Variants in BTAF1 observed in about 807,000 individuals in gnomAD.
BTAF1 encodes the protein TATA-binding protein-associated factor 172.
In BTAF1, 38 loss-of-function variants were observed where a neutral mutation model predicts 227.1. The observed-to-expected ratio is 0.17, with a 90% CI of 0.13 to 0.22. The LOEUF (loss-of-function observed/expected upper bound fraction) is 0.22. Ranked by LOEUF, BTAF1 falls within the 10% of genes least tolerant of loss-of-function variation. The pLI, the probability that BTAF1 is intolerant of heterozygous loss-of-function variation, is 1.00. For synonymous variants in BTAF1, 742 were observed against 751.9 expected (o/e 0.99, Z 0.21); for missense variants, 1,598 against 2,204.0 (o/e 0.73, Z 5.51).
intron 25 of BTAF1, among the ~76,000 whole-genome samples, chr10:92,005,966 T>C (rs1849850217): frequency 6.6e-6 from 1 of 151,916 alleles, no homozygotes; most frequent in African/African-American, 2.4e-5. Flanking sequence ...CAGCCTCTCC[T>C]GGACTCAAGC....
Position 91,923,846 on chromosome 10 carries a change from A to G in BTAF1, c.-231A>G. The G allele has an allele frequency of 4.4e-6, 2 of 455,020 alleles. No homozygotes were observed. The highest frequency in any genetic ancestry group is 7.8e-6 in the Non-Finnish European group (2 of 257,704). 28.2% of individuals were successfully genotyped at this position (455,020 alleles called of 1,614,324 possible). A position where few individuals can be genotyped will look rare whatever the true frequency, so the allele number is the denominator to read the frequency against. On this transcript the variant is annotated 5_prime_UTR_variant, in exon 1 of 38. Coordinates refer to ENST00000265990, the MANE Select transcript of BTAF1 (RefSeq NM_003972.3). ...GGTTTGAAGTCGTGCGGGTCGGAGG[A>G]CTGCCGCCTCCGCTACCGTCTTGGA...
rs1371713860 is a variant in BTAF1, at chr10:92,016,399, T to C, written c.4644T>C (p.Val1548=). The C allele has an allele frequency of 1.2e-6, 2 of 1,601,440 alleles. No individual in the cohort carries two copies. Among genetic ancestry groups the C allele is most frequent in the African/African-American group, 2.7e-5 (2 of 74,384 alleles). The change falls in exon 33 of 38, where the codon GTT becomes GTC. Residue 1548 remains valine, a synonymous_variant. Coordinates refer to ENST00000265990, the MANE Select transcript of BTAF1 (RefSeq NM_003972.3). ...SRAKCDVDET[V]SSATLSEETE... is the part of the protein sequence containing the mutation. The stretch of plus-strand genomic sequence containing the variant: ...CCAAGTGTGATGTTGATGAAACAGT[T>C]TCTTCAGCTACACTTTCTGAAGAAA...
At chr10:92,001,129 G>T (rs1020115910) in intron 25 of BTAF1, among the ~76,000 whole-genome samples, 10 of 152,308 alleles carry the variant, frequency 6.6e-5, no homozygotes, top group African/African-American at 2.4e-4. Context: ...CGAAACAAAT[G>T]AAGTGCCCTA....
intron 22 of BTAF1, 61 bp downstream of exon 22, chr10:91,993,908 T>C: frequency 7.8e-7 from 1 of 1,282,332 alleles, no homozygotes; most frequent in East Asian, 2.8e-5. Context: ...TAATTGAATA[T>C]ATCCTTATAA....
intron 25 of BTAF1, among the ~76,000 whole-genome samples, chr10:92,003,122 C>T (rs1036380244): frequency 8.1e-5 from 12 of 149,068 alleles, no homozygotes; most frequent in Admixed American, 2.7e-4. Context: ...GGCCACTGCA[C>T]TCCAGCTTGG....
At position 91,964,080 on chromosome 10, in the gene BTAF1, C is replaced by T; in HGVS notation, c.1408C>T (p.Pro470Ser). The T allele has an allele frequency of 6.2e-7, 1 of 1,611,406 alleles. No homozygotes were observed. Among genetic ancestry groups the T allele is most frequent in the Non-Finnish European group, 8.5e-7 (1 of 1,179,378 alleles). ...TTCTTGAAAACTGATCTTATAGGTG[C>T]CCTTCATTATAAATACATTGTGGGA... ...SLVYLQTQKV[P>S]FIINTLWDAL... is the part of the protein sequence containing the mutation. Residue 470 changes from proline (P) to serine (S), a missense_variant, in exon 13 of 38, where the codon CCC (proline) becomes TCC (serine). Coordinates refer to ENST00000265990, the MANE Select transcript of BTAF1 (RefSeq NM_003972.3).
At chr10:91,978,827 T>TG (rs1463448342) in intron 14 of BTAF1, among the ~76,000 whole-genome samples, 2 of 150,472 alleles carry the variant, frequency 1.3e-5, no homozygotes, top group Non-Finnish European at 3.0e-5. Context: ...TTTTTTTTTT[T>TG]TTTTTTTTTC....
chr10:91,982,370 T>C, intron 17 of BTAF1, 145 bp downstream of exon 17: 3 of 1,146,468 alleles, frequency 2.6e-6, no homozygotes, highest in Non-Finnish European at 3.6e-6. Context: ...AAAATTAGAG[T>C]AAGCAAATAC....
At chr10:91,958,728 A>C (rs1275209834) in intron 8 of BTAF1, among the ~76,000 whole-genome samples, 1 of 151,992 alleles carries the variant, frequency 6.6e-6, no homozygotes, top group East Asian at 1.9e-4. Flanking sequence ...AAACAAAAAC[A>C]CTATACGATA....
At chr10:92,010,620 A>G (rs1180709866) in intron 28 of BTAF1, among the ~76,000 whole-genome samples, 1 of 152,182 alleles carries the variant, frequency 6.6e-6, no homozygotes, top group East Asian at 1.9e-4. Flanking sequence ...TCTCATGAAT[A>G]TATCAGTACT....
chr10:91,942,295 A>AAGT, intron 3 of BTAF1, 127 bp from the exon 4 acceptor site: 11 of 553,818 alleles, frequency 2.0e-5, no homozygotes, highest in South Asian at 4.7e-5. Context: ...TAAAAAAAAA[A>AAGT]GTTTGTGTGT....
chr10:91,928,659 A>G (rs568095271), intron 1 of BTAF1, among the ~76,000 whole-genome samples: 4 of 151,390 alleles, frequency 2.6e-5, no homozygotes, highest in Non-Finnish European at 5.9e-5. Context: ...GCTTTTTCTC[A>G]TTATCATGTG....
At chr10:91,996,267 T>C in intron 23 of BTAF1, 102 bp from the exon 24 acceptor site, 1 of 911,262 alleles carries the variant, frequency 1.1e-6, no homozygotes, top group Non-Finnish European at 1.6e-6. Flanking sequence ...ATTTTTAGAG[T>C]CACTTAGAAT....
At chr10:91,935,861 C>A in intron 2 of BTAF1, 81 bp downstream of exon 2, 2 of 1,216,648 alleles carry the variant, frequency 1.6e-6, no homozygotes, top group Non-Finnish European at 2.2e-6. Context: ...TAAAGGTAAA[C>A]ATCATCTTAA....
chr10:91,991,118 C>T (rs2134020174), intron 20 of BTAF1, among the ~76,000 whole-genome samples: 1 of 150,108 alleles, frequency 6.7e-6, no homozygotes, highest in South Asian at 2.1e-4. Flanking sequence ...TGGTGGCAGG[C>T]ACCTGTAGTC....
chr10:91,958,733 A>C (rs1178691765), intron 8 of BTAF1, among the ~76,000 whole-genome samples: 2 of 152,020 alleles, frequency 1.3e-5, no homozygotes, highest in African/African-American at 4.8e-5. Context: ...AAAACACTAT[A>C]CGATACTTTC....
At chr10:91,982,518 T>A in intron 17 of BTAF1, 69 bp from the exon 18 acceptor site, 2 of 1,497,856 alleles carry the variant, frequency 1.3e-6, no homozygotes, top group Non-Finnish European at 1.8e-6. Context: ...ATTGAAAAAA[T>A]TTCCCGAAGT....
chr10:92,012,558 G>A (rs1364074172), intron 30 of BTAF1, among the ~76,000 whole-genome samples: 2 of 151,172 alleles, frequency 1.3e-5, no homozygotes, highest in Non-Finnish European at 1.5e-5. Context: ...ATCAATTGAG[G>A]TCAGGAGTTT....
chr10:91,994,732 A>T (rs1050135701), intron 23 of BTAF1, 88 bp downstream of exon 23: 1 of 1,091,756 alleles, frequency 9.2e-7, no homozygotes, highest in Non-Finnish European at 1.4e-6. Context: ...TACAGCTTTG[A>T]TGTCATCCTT....
Sources: allele counts gnomAD v4.1 joint callset (sites outside exome capture counted in the v4.1 genomes callset), GRCh38; gene constraint gnomAD v4.1.1; transcripts MANE v1.5; gene names NCBI Gene and HGNC (gene_info 2026-07-23, HGNC 2026-07-21).